The following PPFIA2 variants were observed in gnomAD, a reference collection of about 807,000 sequenced individuals.
PPFIA2 encodes the protein PPFI scaffold protein A2.
In PPFIA2, 46 loss-of-function variants were observed where a neutral mutation model predicts 175.5. The ratio of observed to expected loss-of-function variants is 0.26; its 90% confidence interval spans 0.21 to 0.34. The LOEUF is 0.34. PPFIA2 is among the 10% of genes least tolerant of loss of function. The probability of loss-of-function intolerance (pLI) is 1.00; values close to 1 mark genes in which losing one functional copy is unlikely to be tolerated. For synonymous variants in PPFIA2, 568 were observed against 511.4 expected, an observed-to-expected ratio of 1.11 and a Z score of -1.49; for missense variants, 1,179 against 1,506.1, an observed-to-expected ratio of 0.78 and a Z score of 3.60.
Position 81,262,765 on chromosome 12 carries a change from G to A in PPFIA2, c.3715+466C>T, listed in dbSNP as rs190001903. ...CATGTTCATGGCTTGTTTATTTAAG[G>A]GCTTCTGCTTTGGCTAGAGGGAAAA... On this transcript the variant is annotated intron_variant, in intron 31 of 32. Transcript: ENST00000549396. 5.3e-5 allele frequency among the ~76,000 whole-genome samples: 8 copies of A among 152,154 alleles called. No homozygotes were observed. In the East Asian group the frequency reaches 1.5e-3, roughly 29 times the overall value.
intron 5 of PPFIA2, among the ~76,000 whole-genome samples, chr12:81,447,442 T>C (rs576179513): frequency 6.6e-6 from 1 of 152,286 alleles, no homozygotes; most frequent in Non-Finnish European, 1.5e-5. Context: ...CTGTACCCTC[T>C]GCCCAAAGCA....
chr12:81,429,099 A>C (rs977512423), intron 7 of PPFIA2, among the ~76,000 whole-genome samples: 2 of 152,090 alleles, frequency 1.3e-5, no homozygotes, highest in Admixed American at 6.6e-5. Flanking sequence ...CCTAATGTTT[A>C]AAATAAGCTA....
chr12:81,713,200 C>A (rs1390176301), intron 3 of PPFIA2, among the ~76,000 whole-genome samples: 1 of 150,864 alleles, frequency 6.6e-6, no homozygotes, highest in African/African-American at 2.4e-5. Flanking sequence ...ATGCTAAGAG[C>A]TTTAAGCACA....
At chr12:81,601,349 G>T (rs939233860) in intron 4 of PPFIA2, among the ~76,000 whole-genome samples, 13 of 151,746 alleles carry the variant, frequency 8.6e-5, no homozygotes, top group Non-Finnish European at 1.5e-4. Context: ...CTGCCTGGTA[G>T]CAATAGGAAA....
In PPFIA2 at chr12:81,320,632, A is replaced by T. The variant is rs76328443; in HGVS notation, c.2642+5145T>A. ...AAATAGAGAAGATTTCAGCATGGAT[A>T]TATGCTTTACTAAAAAAATTATATA... On this transcript the variant is annotated intron_variant, in intron 22 of 32. Coordinates refer to ENST00000549396, the MANE Select transcript of PPFIA2 (RefSeq NM_003625.5). Among the ~76,000 whole-genome samples the T allele has an allele frequency of 6.6e-5, 10 of 152,208 alleles. No homozygotes were observed. The East Asian group carries it at 1.9e-3, about 29-fold the overall frequency.
At chr12:81,636,554 C>T (rs1285607828) in intron 4 of PPFIA2, among the ~76,000 whole-genome samples, 1 of 150,384 alleles carries the variant, frequency 6.6e-6, no homozygotes, top group Non-Finnish European at 1.5e-5. Context: ...CGTGAGCCAC[C>T]GCGCCCGGCC....
intron 7 of PPFIA2, among the ~76,000 whole-genome samples, chr12:81,428,275 GGA>G (rs1479449557): frequency 6.6e-6 from 1 of 151,668 alleles, no homozygotes; most frequent in African/African-American, 2.4e-5. Flanking sequence ...AATCAAAATA[GGA>G]GAGAGTCTGG....
At chr12:81,263,120 C>G (rs1372570217) in intron 31 of PPFIA2, 111 bp downstream of exon 31, 1 of 1,119,202 alleles carries the variant, frequency 8.9e-7, no homozygotes, top group African/African-American at 1.6e-5. Flanking sequence ...AAATTTCAAG[C>G]AGAGCAAACC....
intron 18 of PPFIA2, among the ~76,000 whole-genome samples, 193 bp downstream of exon 18, chr12:81,347,340 G>A (rs1417139330): frequency 1.3e-5 from 2 of 152,034 alleles, no homozygotes; most frequent in African/African-American, 2.4e-5. Flanking sequence ...GCACCTGTGT[G>A]GGTTACCATT....
chr12:81,369,144 A>G lies in PPFIA2; in HGVS notation c.1317T>C (p.Gly439=). The change falls in exon 12 of 33, where the codon GGT becomes GGC. Residue 439 remains glycine, a synonymous_variant. Coordinates refer to ENST00000549396, the MANE Select transcript of PPFIA2 (RefSeq NM_003625.5). ...NIEERMRHLE[G]QLEEKNQELQ... ...GTTCTTGATTCTTCTCTTCAAGTTGACCCTCTAAATGTCTCATACGTTCTT... is the reference window on the plus strand; with the variant it reads ...GTTCTTGATTCTTCTCTTCAAGTTGGCCCTCTAAATGTCTCATACGTTCTT... 7 of 1,608,522 alleles carry G rather than the reference A, an allele frequency of 4.4e-6. No homozygotes were observed. Among genetic ancestry groups the G allele is most frequent in the Non-Finnish European group, 5.9e-6 (7 of 1,176,542 alleles).
At chr12:81,604,428 A>C (rs1020741651) in intron 4 of PPFIA2, among the ~76,000 whole-genome samples, 1 of 151,744 alleles carries the variant, frequency 6.6e-6, no homozygotes, top group Non-Finnish European at 1.5e-5. Flanking sequence ...CTGTTTGGAA[A>C]AAAAAAAGAT....
intron 22 of PPFIA2, 80 bp downstream of exon 22, chr12:81,325,697 C>A: frequency 9.7e-7 from 1 of 1,032,656 alleles, no homozygotes. Flanking sequence ...TGTTTCCAAC[C>A]ACTCTCTTTT....
intron 30 of PPFIA2, 104 bp from the exon 31 acceptor site, chr12:81,263,494 T>G: frequency 9.6e-7 from 1 of 1,041,400 alleles, no homozygotes; most frequent in Non-Finnish European, 1.4e-6. Context: ...TTACATTTAG[T>G]CTGTCAAGTA....
chr12:81,758,350 CA>C (rs1568159314), intron 2 of PPFIA2, 49 bp downstream of exon 2: 1 of 454,974 alleles, frequency 2.2e-6, no homozygotes, highest in Non-Finnish European at 4.4e-6. Flanking sequence ...GGGAGGTGGT[CA>C]AAAAATACAG....
chr12:81,665,211 C>T (rs901328323), intron 4 of PPFIA2, among the ~76,000 whole-genome samples: 2 of 151,846 alleles, frequency 1.3e-5, no homozygotes, highest in Non-Finnish European at 2.9e-5. Context: ...AAAAAATTTA[C>T]GGTACATCAA....
At chr12:81,598,425 C>G in intron 4 of PPFIA2, 1 of 987,770 alleles carries the variant, frequency 1.0e-6, no homozygotes, top group South Asian at 4.1e-5. Context: ...TGCTAAATAT[C>G]CTGGTTAACC....
chr12:81,385,633 G>A (rs901626178), intron 8 of PPFIA2, among the ~76,000 whole-genome samples: 2 of 152,018 alleles, frequency 1.3e-5, no homozygotes, highest in Non-Finnish European at 2.9e-5. Context: ...TCTTCACCTC[G>A]CTTATCTGTA....
intron 2 of PPFIA2, among the ~76,000 whole-genome samples, chr12:81,755,851 A>AAT (rs1374107516): frequency 6.6e-6 from 1 of 152,154 alleles, no homozygotes; most frequent in Non-Finnish European, 1.5e-5. Context: ...ACATAAAATG[A>AAT]ATATAAGCAC....
At chr12:81,267,100 A>T in intron 29 of PPFIA2, 80 bp from the exon 30 acceptor site, 1 of 1,043,320 alleles carries the variant, frequency 9.6e-7, no homozygotes, top group Non-Finnish European at 1.5e-6. Context: ...TTATCTGATA[A>T]TGTATTATAA....
Sources: allele counts gnomAD v4.1 joint callset (sites outside exome capture counted in the v4.1 genomes callset), GRCh38; gene constraint gnomAD v4.1.1; transcripts MANE v1.5; gene names NCBI Gene and HGNC (gene_info 2026-07-23, HGNC 2026-07-21).